Variants in LHFPL3 observed in about 807,000 individuals in gnomAD.
The protein encoded by LHFPL3 is LHFPL tetraspan subfamily member 3.
A neutral mutation model predicts 19.3 loss-of-function variants in LHFPL3; 5 were observed. The ratio of observed to expected loss-of-function variants is 0.26; its 90% CI spans 0.14 to 0.54. LHFPL3 has a LOEUF of 0.54. LHFPL3 is among the 20% of genes least tolerant of loss of function. The pLI is 0.94. For synonymous variants in LHFPL3, 133 were observed against 126.2 expected (o/e 1.05, Z -0.36); for missense variants, 249 against 307.4 (o/e 0.81, Z 1.42).
chr7:104,543,875 C>T (rs1584391654), intron 1 of LHFPL3, among the ~76,000 whole-genome samples: 1 of 149,786 alleles, frequency 6.7e-6, no homozygotes, highest in African/African-American at 2.5e-5. Context: ...TGTAACAAAC[C>T]TGCACATTGT....
At chr7:104,896,863 A>C (rs1792373001) in intron 2 of LHFPL3, among the ~76,000 whole-genome samples, 1 of 152,158 alleles carries the variant, frequency 6.6e-6, no homozygotes, top group Non-Finnish European at 1.5e-5. Flanking sequence ...AGGCGGGTGG[A>C]TCACTTGAGG....
chr7:104,392,425 C>T (rs534113598), intron 1 of LHFPL3, among the ~76,000 whole-genome samples: 13,482 of 151,678 alleles, frequency 0.089, 566 homozygotes, highest in Non-Finnish European at 0.099. Context: ...AAGGCCTTTT[C>T]TGCATCTATT....
chr7:104,462,206 C>G (rs1792679518), intron 1 of LHFPL3, among the ~76,000 whole-genome samples: 1 of 152,092 alleles, frequency 6.6e-6, no homozygotes, highest in Admixed American at 6.6e-5. Flanking sequence ...AATTTGACTT[C>G]CGCTCTTCCT....
intron 1 of LHFPL3, among the ~76,000 whole-genome samples, chr7:104,621,515 G>C (rs766893957): frequency 2.0e-5 from 3 of 152,206 alleles, no homozygotes; most frequent in Non-Finnish European, 4.4e-5. Context: ...TGCTGGGTCA[G>C]AGGACGCCCA....
intron 1 of LHFPL3, among the ~76,000 whole-genome samples, chr7:104,389,565 T>G (rs928335617): frequency 6.6e-6 from 1 of 152,106 alleles, no homozygotes; most frequent in Non-Finnish European, 1.5e-5. Context: ...TAAAAAGTTT[T>G]GAAGAAGAAG....
intron 1 of LHFPL3, among the ~76,000 whole-genome samples, chr7:104,514,938 A>G (rs1793891808): frequency 6.6e-6 from 1 of 152,176 alleles, no homozygotes; most frequent in Non-Finnish European, 1.5e-5. Context: ...TTCTGTTAGA[A>G]TAATCTGCAC....
intron 2 of LHFPL3, among the ~76,000 whole-genome samples, chr7:104,818,181 A>G (rs1168455483): frequency 6.6e-6 from 1 of 152,172 alleles, no homozygotes; most frequent in Admixed American, 6.5e-5. Context: ...AATGCTTCAG[A>G]GAAATATGGT....
chr7:104,608,486 G>A (rs1328344650), intron 1 of LHFPL3, among the ~76,000 whole-genome samples: 1 of 126,324 alleles, frequency 7.9e-6, no homozygotes, highest in East Asian at 2.4e-4. Context: ...TCACACTCCG[G>A]GGACTGTTGT....
rs144646608 is a variant in LHFPL3 at position 104,429,569 on chromosome 7, G to A, written c.445+100345G>A. ...GACATCAGATGATCCGCCTGCCTCA[G>A]CCTCCCAAAATGCTGGGATTACAGG... On this transcript the variant is annotated intron_variant, in intron 1 of 2. Coordinates refer to ENST00000424859, the MANE Select transcript of LHFPL3 (RefSeq NM_199000.3). 5.3e-5 allele frequency among the ~76,000 whole-genome samples: 8 copies of A among 151,800 alleles called. No homozygotes were observed. In the East Asian group the frequency reaches 1.5e-3, roughly 29 times the overall value.
At chr7:104,775,600 C>T (rs970844395) in intron 2 of LHFPL3, among the ~76,000 whole-genome samples, 1 of 151,920 alleles carries the variant, frequency 6.6e-6, no homozygotes, top group South Asian at 2.1e-4. Context: ...ATATGGAAAT[C>T]ATTTGTAGGA....
chr7:104,517,035 T>C (rs935613920), intron 1 of LHFPL3, among the ~76,000 whole-genome samples: 1 of 152,114 alleles, frequency 6.6e-6, no homozygotes, highest in Non-Finnish European at 1.5e-5. Flanking sequence ...AGCGGACTAA[T>C]GCAGGAACAA....
intron 1 of LHFPL3, among the ~76,000 whole-genome samples, chr7:104,657,602 A>T (rs1792143814): frequency 6.6e-6 from 1 of 152,230 alleles, no homozygotes; most frequent in Non-Finnish European, 1.5e-5. Flanking sequence ...TTGTGTAGCT[A>T]ATTACTTTGC....
intron 2 of LHFPL3, among the ~76,000 whole-genome samples, chr7:104,868,722 C>T (rs1161585022): frequency 3.9e-5 from 6 of 152,166 alleles, no homozygotes; most frequent in South Asian, 4.1e-4. Flanking sequence ...TTGGAAAAAA[C>T]GACTTTAAAG....
intron 1 of LHFPL3, among the ~76,000 whole-genome samples, chr7:104,584,941 T>C (rs2115588758): frequency 6.6e-6 from 1 of 152,296 alleles, no homozygotes; most frequent in East Asian, 1.9e-4. Context: ...GTTATGATTT[T>C]TTGCTTTATG....
intron 1 of LHFPL3, among the ~76,000 whole-genome samples, chr7:104,657,167 A>G (rs73181829): frequency 0.044 from 6,686 of 152,348 alleles, 195 homozygotes; most frequent in East Asian, 0.13. Flanking sequence ...ATTCCTCTCC[A>G]AGTGGTTCTT....
At chr7:104,639,778 T>C (rs1191201847) in intron 1 of LHFPL3, among the ~76,000 whole-genome samples, 1 of 152,220 alleles carries the variant, frequency 6.6e-6, no homozygotes, top group Non-Finnish European at 1.5e-5. Flanking sequence ...GTATGCCAGA[T>C]TCATGTGGGT....
chr7:104,524,005 C>T (rs539496229), intron 1 of LHFPL3, among the ~76,000 whole-genome samples: 11 of 152,204 alleles, frequency 7.2e-5, no homozygotes, highest in South Asian at 2.1e-4. Context: ...TGTTTAGGAA[C>T]GATTTATATC....
chr7:104,329,016 C>T lies in LHFPL3; in HGVS notation c.237C>T (p.Cys79=). ...GCTATTTCGGGCTCTTCCACTACTG[C>T]ATCGGCAACGGCTTCTCCCGGGAGC... ...QAGYFGLFHY[C]IGNGFSRELT... The change falls in exon 1 of 3, where the codon TGC becomes TGT. Residue 79 remains cysteine (C), a synonymous_variant. Coordinates refer to ENST00000424859, the MANE Select transcript of LHFPL3 (RefSeq NM_199000.3). 1.9e-6 allele frequency: 3 copies of T among 1,614,110 alleles called. No homozygotes were observed. The highest frequency in any genetic ancestry group is 2.7e-5 in the African/African-American group (2 of 75,082).
At chr7:104,809,713 A>G (rs981400169) in intron 2 of LHFPL3, among the ~76,000 whole-genome samples, 5 of 152,250 alleles carry the variant, frequency 3.3e-5, no homozygotes, top group African/African-American at 1.2e-4. Context: ...ATGGAAAGCA[A>G]GAGAAGACTC....
Sources: allele counts gnomAD v4.1 joint callset (sites outside exome capture counted in the v4.1 genomes callset), GRCh38; gene constraint gnomAD v4.1.1; transcripts MANE v1.5; gene names NCBI Gene and HGNC (gene_info 2026-07-23, HGNC 2026-07-21).